Variants in RPL36AL observed in about 807,000 individuals in gnomAD.
The protein encoded by RPL36AL is ribosomal protein L36a like.
In RPL36AL, 8 loss-of-function variants were observed where a neutral mutation model predicts 7.9. That is an observed-to-expected ratio of 1.02 (90% confidence interval 0.60 to 1.84). The LOEUF is 1.84. Among genes scored for constraint, RPL36AL ranks in the 40% most tolerant of loss-of-function variants. RPL36AL has a pLI of 0.00. For missense variants in RPL36AL, 76 were observed against 126.8 expected (o/e 0.60, Z 1.93); for synonymous variants, 44 against 44.8 (o/e 0.98, Z 0.07).
At position 49,619,123 on chromosome 14, in the gene RPL36AL, T is replaced by G. The variant is rs774168135; in HGVS notation, c.-19A>C. The stretch of plus-strand genomic sequence containing the variant: ...TGACCATCTTTGCAGCAGGGCTGTT[T>G]TGTCTATATGATGAAAACTGTAGTA... On this transcript the variant is annotated 5_prime_UTR_variant, in exon 2 of 2. Coordinates refer to ENST00000298289, the MANE Select transcript of RPL36AL (RefSeq NM_001001.5). 6.3e-6 allele frequency: 10 copies of G among 1,587,488 alleles called. No individual in the cohort carries two copies. Among genetic ancestry groups the G allele is most frequent in the Non-Finnish European group, 8.6e-6 (10 of 1,165,934 alleles).
chr14:49,619,142 T>C lies in RPL36AL; in HGVS notation c.-36-2A>G, dbSNP rs377067013. The C allele has an allele frequency of 1.0e-5, 16 of 1,528,844 alleles. No homozygotes were observed. The African/African-American group carries it at 2.1e-4, about 20-fold the overall frequency. 94.7% of individuals were successfully genotyped at this position (1,528,844 alleles called of 1,614,324 possible). A position where few individuals can be genotyped will look rare whatever the true frequency, so the allele number is the denominator to read the frequency against. On this transcript the variant is annotated splice_acceptor_variant, in intron 1 of 1. Coordinates refer to ENST00000298289, the MANE Select transcript of RPL36AL (RefSeq NM_001001.5). LOFTEE classifies it low-confidence loss of function (5UTR_SPLICE). The stretch of plus-strand genomic sequence containing the variant: ...GCTGTTTTGTCTATATGATGAAAAC[T>C]GTAGTAAAATATTTAAAATAAGATA...
At chr14:49,620,467 C>CCTTT (rs1882801527) in intron 1 of RPL36AL, 95 bp downstream of exon 1, 1 of 153,324 alleles carries the variant, frequency 6.5e-6, no homozygotes, top group African/African-American at 2.4e-5. Flanking sequence ...GGCCATAGGT[C>CCTTT]TCGCCTTCCC....
At chr14:49,619,497 A>G (rs1379134446) in intron 1 of RPL36AL, among the ~76,000 whole-genome samples, 2 of 146,164 alleles carry the variant, frequency 1.4e-5, no homozygotes, top group African/African-American at 2.5e-5. Flanking sequence ...AAAATACAAA[A>G]TTAGCCTGGC....
intron 1 of RPL36AL, among the ~76,000 whole-genome samples, chr14:49,620,233 G>C (rs1430433532): frequency 6.6e-6 from 1 of 152,048 alleles, no homozygotes; most frequent in Non-Finnish European, 1.5e-5. Context: ...GAATGGCTGG[G>C]GCAGCGCGCG....
In RPL36AL at chr14:49,618,624, G is replaced by GT. The variant is rs751412392; in HGVS notation, c.*159dup. The stretch of plus-strand genomic sequence containing the variant: ...CCTTCATACATATATAAACTTGTTA[G>GT]TAAAGTTTGAGGTGGGACTACACTA... On this transcript the variant is annotated 3_prime_UTR_variant, in exon 2 of 2. Coordinates refer to ENST00000298289, the MANE Select transcript of RPL36AL (RefSeq NM_001001.5). 4.7e-4 allele frequency: 288 copies of GT among 612,458 alleles called. No individual in the cohort carries two copies. The highest frequency in any genetic ancestry group is 7.7e-4 in the Non-Finnish European group (269 of 350,430). The allele number at this position is 612,458 out of a possible 1,614,324, so 37.9% of individuals were successfully genotyped here. A position where few individuals can be genotyped will look rare whatever the true frequency, so the allele number is the denominator to read the frequency against.
At chr14:49,620,299 G>A (rs1372375046) in intron 1 of RPL36AL, among the ~76,000 whole-genome samples, 4 of 152,010 alleles carry the variant, frequency 2.6e-5, no homozygotes, top group Admixed American at 6.5e-5. Context: ...CCACATCAGC[G>A]TAGTATCACT....
At chr14:49,619,164 G>C in intron 1 of RPL36AL, 24 bp from the exon 2 acceptor site, 15 of 1,460,834 alleles carry the variant, frequency 1.0e-5, no homozygotes, top group Non-Finnish European at 1.4e-5. Context: ...TTTAAAATAA[G>C]ATAGCAGACG....
chr14:49,619,750 G>A (rs1882778621), intron 1 of RPL36AL, among the ~76,000 whole-genome samples: 1 of 152,116 alleles, frequency 6.6e-6, no homozygotes, highest in Non-Finnish European at 1.5e-5. Context: ...GTTGCAAGTG[G>A]GTTTTTAGAG....
chr14:49,618,608 A>G lies in RPL36AL; in HGVS notation c.*176T>C, dbSNP rs978650208. ...GTAAAGTAGTATTTTCCCTTCATAC[A>G]TATATAAACTTGTTAGTAAAGTTTG... On this transcript the variant is annotated 3_prime_UTR_variant, in exon 2 of 2. Coordinates refer to ENST00000298289, the MANE Select transcript of RPL36AL (RefSeq NM_001001.5). 25 of 593,882 alleles carry G rather than the reference A, an allele frequency of 4.2e-5. No individual in the cohort carries two copies. Among genetic ancestry groups the G allele is most frequent in the African/African-American group, 3.7e-4 (20 of 53,732 alleles). 36.8% of individuals were successfully genotyped at this position (593,882 alleles called of 1,614,324 possible).
chr14:49,619,069 A>G lies in RPL36AL; in HGVS notation c.36T>C (p.Cys12=). The G allele has an allele frequency of 1.2e-6, 2 of 1,613,098 alleles. No homozygotes were observed. Among genetic ancestry groups the G allele is most frequent in the Non-Finnish European group, 1.7e-6 (2 of 1,179,144 alleles). Residue 12 remains cysteine (C), a synonymous_variant, in exon 2 of 2, where the codon TGT becomes TGC. Transcript: ENST00000298289. ...GAGGCTGATGCTTGCCACACTTCTTACAGAAGGTTCTTCGGGTTTTAGGTA... is the reference window on the plus strand; with the variant it reads ...GAGGCTGATGCTTGCCACACTTCTTGCAGAAGGTTCTTCGGGTTTTAGGTA... ...VNVPKTRRTF[C]KKCGKHQPHK...
chr14:49,618,844 T>G lies in RPL36AL; in HGVS notation c.261A>C (p.Arg87Ser), dbSNP rs554669615. ...CTCCTCCCAGTTCAAAATGCTTGCA[T>G]CTCTTAATGGCCAGCATCCTCTTGG... ...CRSKRMLAIK[R>S]CKHFELGGDK... The change falls in exon 2 of 2, where the codon AGA becomes AGC. Residue 87 changes from arginine to serine, a missense_variant. Coordinates refer to ENST00000298289, the MANE Select transcript of RPL36AL (RefSeq NM_001001.5). The G allele has an allele frequency of 6.2e-7, 1 of 1,612,278 alleles. No individual in the cohort carries two copies. Among genetic ancestry groups the G allele is most frequent in the African/African-American group, 1.3e-5 (1 of 74,988 alleles).
At chr14:49,620,192 C>G (rs927898533) in intron 1 of RPL36AL, among the ~76,000 whole-genome samples, 3 of 152,174 alleles carry the variant, frequency 2.0e-5, no homozygotes, top group East Asian at 1.9e-4. Context: ...CCCCTTCCCC[C>G]CACCCACCTC....
rs926922861 is a variant in RPL36AL at position 49,619,004 on chromosome 14, T to C, written c.101A>G (p.Tyr34Cys). Residue 34 changes from tyrosine to cysteine, a missense_variant, in exon 2 of 2, where the codon TAT becomes TGT. Coordinates refer to ENST00000298289, the MANE Select transcript of RPL36AL (RefSeq NM_001001.5). ...TQYKKGKDSL[Y>C]AQGRRRYDRK... is the part of the protein sequence containing the mutation. Reference sequence around the variant, plus strand: ...ATCATAGCGCCTCCTTCCCTGGGCATACAAAGAATCCTTGCCCTTCTTATA... The same window carrying C: ...ATCATAGCGCCTCCTTCCCTGGGCACACAAAGAATCCTTGCCCTTCTTATA... 5 of 1,613,900 alleles carry C rather than the reference T, an allele frequency of 3.1e-6. No individual in the cohort carries two copies. The highest frequency in any genetic ancestry group is 4.2e-6 in the Non-Finnish European group (5 of 1,179,792).
In RPL36AL at chr14:49,619,001, G is replaced by A; in HGVS notation, c.104C>T (p.Ala35Val). 2.5e-6 allele frequency: 4 copies of A among 1,613,904 alleles called. No homozygotes were observed. Among genetic ancestry groups the A allele is most frequent in the Non-Finnish European group, 3.4e-6 (4 of 1,179,856 alleles). ...QYKKGKDSLY[A>V]QGRRRYDRKQ... ...CCGATCATAGCGCCTCCTTCCCTGG[G>A]CATACAAAGAATCCTTGCCCTTCTT... is the stretch of plus-strand genomic sequence containing the variant. The change falls in exon 2 of 2, where the codon GCC (alanine) becomes GTC (valine). Residue 35 changes from alanine (A) to valine (V), a missense_variant. By Grantham distance (64) the Ala-to-Val change is moderately conservative (BLOSUM62 0). Transcript: ENST00000298289.
chr14:49,619,630 C>CA (rs112952168), intron 1 of RPL36AL, among the ~76,000 whole-genome samples: 2,643 of 131,778 alleles, frequency 0.02, 87 homozygotes, highest in African/African-American at 0.062. Flanking sequence ...AATTACGTCT[C>CA]AAAAAAAAAA....
chr14:49,619,563 G>A (rs1333157562), intron 1 of RPL36AL, among the ~76,000 whole-genome samples: 1 of 152,052 alleles, frequency 6.6e-6, no homozygotes, highest in African/African-American at 2.4e-5. Flanking sequence ...GGGAGGGGCG[G>A]AGGTTGCCGT....
chr14:49,619,322 A>C (rs1185043778), intron 1 of RPL36AL, among the ~76,000 whole-genome samples, 182 bp from the exon 2 acceptor site: 1 of 152,216 alleles, frequency 6.6e-6, no homozygotes, highest in African/African-American at 2.4e-5. Context: ...CACTTCGTTT[A>C]AATTACTGGA....
At position 49,618,997 on chromosome 14, in the gene RPL36AL, C is replaced by A; in HGVS notation, c.108G>T (p.Gln36His). The A allele has an allele frequency of 6.2e-7, 1 of 1,613,986 alleles. No individual in the cohort carries two copies. Residue 36 changes from glutamine (Q) to histidine (H), a missense_variant, in exon 2 of 2, where the codon CAG becomes CAT. Transcript: ENST00000298289. The stretch of plus-strand genomic sequence containing the variant: ...GCTTCCGATCATAGCGCCTCCTTCC[C>A]TGGGCATACAAAGAATCCTTGCCCT... ...YKKGKDSLYA[Q>H]GRRRYDRKQS...
Sources: gnomAD v4.1 joint callset for allele counts (sites outside exome capture counted in the v4.1 genomes callset) on GRCh38, gnomAD v4.1.1 for gene constraint, MANE v1.5 for transcripts, NCBI Gene and HGNC (gene_info 2026-07-23, HGNC 2026-07-21) for gene names.